The following TBXAS1 variants were observed in gnomAD, a reference collection of about 807,000 sequenced individuals.
TBXAS1 encodes thromboxane-A synthase.
A neutral mutation model predicts 60.7 loss-of-function variants in TBXAS1; 48 were observed. The observed-to-expected ratio is 0.79, with a 90% CI of 0.63 to 1.01. The LOEUF (loss-of-function observed/expected upper bound fraction) is 1.01. TBXAS1 is among the 50% of genes least tolerant of loss of function. The pLI is 0.00. For synonymous variants in TBXAS1, 287 were observed against 269.7 expected, an observed-to-expected ratio of 1.06 and a Z score of -0.63; for missense variants, 685 against 686.3, an observed-to-expected ratio of 1.00 and a Z score of 0.02.
At chr7:139,919,620 C>T (rs1258512397) in intron 4 of TBXAS1, among the ~76,000 whole-genome samples, 1 of 152,190 alleles carries the variant, frequency 6.6e-6, no homozygotes, top group East Asian at 1.9e-4. Context: ...ATACATGAAC[C>T]CGGTTACAGC....
intron 1 of TBXAS1, among the ~76,000 whole-genome samples, chr7:139,853,741 C>T (rs1800388499): frequency 6.6e-6 from 1 of 152,102 alleles, no homozygotes; most frequent in African/African-American, 2.4e-5. Context: ...TTAAGGACTT[C>T]ATAAAAACAA....
intron 3 of TBXAS1, among the ~76,000 whole-genome samples, chr7:139,786,730 A>T (rs916248710): frequency 2.6e-5 from 4 of 152,194 alleles, no homozygotes; most frequent in African/African-American, 9.7e-5. Context: ...AGTTGCAGCA[A>T]ATCAGTCATG....
At chr7:139,997,847 C>CGT (rs1813398222) in intron 9 of TBXAS1, among the ~76,000 whole-genome samples, 2 of 152,244 alleles carry the variant, frequency 1.3e-5, no homozygotes, top group Non-Finnish European at 2.9e-5. Flanking sequence ...ATACACATCC[C>CGT]TCATGACCCG....
intron 4 of TBXAS1, among the ~76,000 whole-genome samples, chr7:139,823,688 T>C (rs1163124817): frequency 6.6e-6 from 1 of 152,042 alleles, no homozygotes; most frequent in African/African-American, 2.4e-5. Flanking sequence ...TTAGATTTAG[T>C]GGGAAAAAAA....
intron 9 of TBXAS1, among the ~76,000 whole-genome samples, chr7:139,972,478 T>C (rs1195979680): frequency 3.3e-5 from 5 of 152,178 alleles, no homozygotes; most frequent in Admixed American, 6.5e-5. Context: ...TTGCACACAT[T>C]ATGGGCTCTT....
chr7:139,790,103 A>G (rs1376510621), intron 4 of TBXAS1, among the ~76,000 whole-genome samples: 1 of 152,218 alleles, frequency 6.6e-6, no homozygotes, highest in South Asian at 2.1e-4. Flanking sequence ...CCTCCTCTCC[A>G]TACATTATAC....
At chr7:139,889,011 G>A (rs1803341468) in intron 3 of TBXAS1, among the ~76,000 whole-genome samples, 2 of 152,028 alleles carry the variant, frequency 1.3e-5, no homozygotes, top group Admixed American at 6.5e-5. Context: ...AGAAATGGAA[G>A]GAAAAGAAGG....
At chr7:139,897,332 T>C (rs1225371185) in intron 3 of TBXAS1, among the ~76,000 whole-genome samples, 1 of 2,978 alleles carries the variant, frequency 3.4e-4, no homozygotes, top group African/African-American at 2.0e-3. Flanking sequence ...CTCTTGGCGG[T>C]GGGGTGGGGA....
chr7:139,916,527 C>T lies in TBXAS1; in HGVS notation c.333+5206C>T, dbSNP rs1438309786. On this transcript the variant is annotated intron_variant, in intron 4 of 12. Coordinates refer to ENST00000448866, the MANE Select transcript of TBXAS1 (RefSeq NM_001061.7). This position sits in a 1 kb window ranked among gnomAD's most constrained non-coding sequence, Gnocchi z 4.2. ...ATGGACGTGGTGGGTGGTTTTATCC[C>T]GAACCATCAATACCCGGCACCCTGG... Among the ~76,000 whole-genome samples the T allele has an allele frequency of 2.6e-5, 4 of 152,170 alleles. No homozygotes were observed. Among genetic ancestry groups the T allele is most frequent in the Non-Finnish European group, 5.9e-5 (4 of 68,028 alleles).
rs1375393497 is a variant in TBXAS1, at chr7:139,852,959, C to G, written c.90-19276C>G. On this transcript the variant is annotated intron_variant, in intron 1 of 12. Coordinates refer to ENST00000448866, the MANE Select transcript of TBXAS1 (RefSeq NM_001061.7). This position sits in a 1 kb window ranked among gnomAD's most constrained non-coding sequence, Gnocchi z 4.4. ...ATACACACACACACACACACACACA[C>G]ACACACACACACACACACACACACA... Among the ~76,000 whole-genome samples the G allele has an allele frequency of 2.0e-5, 3 of 150,068 alleles. No homozygotes were observed. Among genetic ancestry groups the G allele is most frequent in the African/African-American group, 7.4e-5 (3 of 40,394 alleles).
intron 3 of TBXAS1, among the ~76,000 whole-genome samples, chr7:139,879,378 C>T (rs8192813): frequency 0.062 from 9,458 of 152,078 alleles, 401 homozygotes; most frequent in East Asian, 0.12. Context: ...CGTGGTGGTA[C>T]GTGATAAAAA....
At position 139,794,509 on chromosome 7, in the gene TBXAS1, CCTTT is replaced by C. The variant is rs775635644; in HGVS notation, c.-80+7088_-80+7091del. On this transcript the variant is annotated intron_variant, in intron 4 of 16. Transcript: ENST00000336425. ...TTTCTAGCCAATCTTCTGTCTTCTC[CCTTT>C]CTTTTTTTTTTTTATTATACTTTAA... 2.2e-3 allele frequency among the ~76,000 whole-genome samples: 325 copies of C among 149,616 alleles called. 3 individuals are homozygous for C. The highest frequency in any genetic ancestry group is 3.6e-3 in the Non-Finnish European group (243 of 67,938).
upstream of TBXAS1, among the ~76,000 whole-genome samples, chr7:139,825,081 G>A (rs946595807): frequency 7.9e-4 from 120 of 151,628 alleles, no homozygotes; most frequent in Non-Finnish European, 1.2e-3. Flanking sequence ...CACCTGCCTC[G>A]GCCTCCCAAA....
rs1554466809 is a variant in TBXAS1 at position 139,809,198 on chromosome 7, T to TGATAGATA, written c.-79-20086_-79-20079dup. 8.7e-3 allele frequency among the ~76,000 whole-genome samples: 1,224 copies of TGATAGATA among 140,250 alleles called. 16 individuals are homozygous for TGATAGATA. The highest frequency in any genetic ancestry group is 0.013 in the African/African-American group (459 of 36,068). 92.0% of individuals were successfully genotyped at this position (140,250 alleles called of 152,430 possible). A position where few individuals can be genotyped will look rare whatever the true frequency, so the allele number is the denominator to read the frequency against. ...ATAGATAGAACCAATAGGAGATAGATGATAGATAGATAGATAGATAGATAG... is the reference window on the plus strand; with the variant it reads ...ATAGATAGAACCAATAGGAGATAGATGATAGATAGATAGATAGATAGATAGATAGATAG... On this transcript the variant is annotated intron_variant, in intron 4 of 16. Coordinates refer to the TBXAS1 transcript ENST00000336425.
At chr7:139,963,615 A>T (rs1038707987) in intron 9 of TBXAS1, among the ~76,000 whole-genome samples, 1 of 152,206 alleles carries the variant, frequency 6.6e-6, no homozygotes, top group African/African-American at 2.4e-5. Flanking sequence ...GGGTAGAGGG[A>T]GGGACCAACG....
intron 9 of TBXAS1, among the ~76,000 whole-genome samples, chr7:139,971,485 C>T (rs894692044): frequency 6.6e-6 from 1 of 152,220 alleles, no homozygotes; most frequent in Non-Finnish European, 1.5e-5. Context: ...GTTATGCACA[C>T]AAACTTATCT....
intron 1 of TBXAS1, among the ~76,000 whole-genome samples, chr7:139,830,401 G>A (rs1396705691): frequency 1.3e-5 from 2 of 152,140 alleles, no homozygotes; most frequent in Non-Finnish European, 2.9e-5. Flanking sequence ...GCAAATGTGA[G>A]GTATTATTCT....
At chr7:139,914,688 T>C (rs1805825916) in intron 4 of TBXAS1, among the ~76,000 whole-genome samples, 1 of 152,096 alleles carries the variant, frequency 6.6e-6, no homozygotes, top group African/African-American at 2.4e-5. Flanking sequence ...CCTGCCTCCA[T>C]CCACATGCAC....
chr7:139,995,689 C>A (rs903264010), intron 9 of TBXAS1, among the ~76,000 whole-genome samples: 1 of 152,200 alleles, frequency 6.6e-6, no homozygotes, highest in African/African-American at 2.4e-5. Flanking sequence ...GAAAATCCTG[C>A]CCCACGTGGA....
Sources: allele counts gnomAD v4.1 joint callset (sites outside exome capture counted in the v4.1 genomes callset), GRCh38; gene constraint gnomAD v4.1.1; non-coding constraint Gnocchi (gnomAD v3.1); transcripts MANE v1.5; gene names NCBI Gene and HGNC (gene_info 2026-07-23, HGNC 2026-07-21).